ZRANB3: variants seen among roughly 807,000 people sequenced by gnomAD.
ZRANB3 encodes DNA annealing helicase and endonuclease ZRANB3.
Under a neutral mutation model 133.8 loss-of-function variants are expected in ZRANB3, and 125 were observed. The observed-to-expected ratio is 0.93, with a 90% confidence interval of 0.81 to 1.08. ZRANB3 has a LOEUF of 1.08. Among genes scored for constraint, ZRANB3 ranks in the 50% least tolerant of loss-of-function variants. The probability of loss-of-function intolerance (pLI) is 0.00; values close to 1 mark genes in which losing one functional copy is unlikely to be tolerated. For synonymous variants in ZRANB3, 387 were observed against 432.7 expected (o/e 0.89, Z 1.31); for missense variants, 1,229 against 1,275.5 (o/e 0.96, Z 0.56).
intron 16 of ZRANB3, among the ~76,000 whole-genome samples, chr2:135,217,817 T>C (rs929941807): frequency 6.6e-6 from 1 of 152,166 alleles, no homozygotes; most frequent in Non-Finnish European, 1.5e-5. Context: ...AGATATCTCT[T>C]TTTTTTCTTT....
At chr2:135,438,419 C>A (rs577195440) in intron 2 of ZRANB3, among the ~76,000 whole-genome samples, 1 of 150,806 alleles carries the variant, frequency 6.6e-6, no homozygotes, top group Non-Finnish European at 1.5e-5. Flanking sequence ...GCAGGAGAAT[C>A]GCTTGAACCC....
At chr2:135,369,928 T>C (rs1021207260) in intron 3 of ZRANB3, among the ~76,000 whole-genome samples, 3 of 152,142 alleles carry the variant, frequency 2.0e-5, no homozygotes, top group African/African-American at 4.8e-5. Flanking sequence ...AGACTTTATA[T>C]TGTAAACTTC....
chr2:135,373,968 T>C (rs1320017718), intron 3 of ZRANB3, among the ~76,000 whole-genome samples: 1 of 152,176 alleles, frequency 6.6e-6, no homozygotes, highest in Non-Finnish European at 1.5e-5. Context: ...TTGCCTACTT[T>C]AAACAAGAGA....
At chr2:135,405,171 T>C (rs1180263536) in intron 2 of ZRANB3, among the ~76,000 whole-genome samples, 1 of 152,196 alleles carries the variant, frequency 6.6e-6, no homozygotes, top group Non-Finnish European at 1.5e-5. Context: ...GTTGCAATCC[T>C]AGTCTCTGAT....
At chr2:135,417,623 A>C (rs1425512266) in intron 2 of ZRANB3, among the ~76,000 whole-genome samples, 1 of 152,224 alleles carries the variant, frequency 6.6e-6, no homozygotes, top group Non-Finnish European at 1.5e-5. Flanking sequence ...ATATACCCAA[A>C]GGACTATAAA....
intron 2 of ZRANB3, among the ~76,000 whole-genome samples, chr2:135,439,807 T>C (rs1157140631): frequency 6.6e-6 from 1 of 152,218 alleles, no homozygotes; most frequent in East Asian, 1.9e-4. Context: ...TTTTGAAAGC[T>C]TCTCAAGTGA....
At chr2:135,315,941 C>T (rs1268815445) in intron 6 of ZRANB3, among the ~76,000 whole-genome samples, 2 of 152,184 alleles carry the variant, frequency 1.3e-5, no homozygotes, top group African/African-American at 4.8e-5. Context: ...CAAAACCACC[C>T]AGAACATTTT....
chr2:135,504,150 C>A, intron 2 of ZRANB3, 179 bp downstream of exon 2: 1 of 716,468 alleles, frequency 1.4e-6, no homozygotes, highest in Non-Finnish European at 2.4e-6. Flanking sequence ...ACAATTGGTT[C>A]AATATATTTC....
At chr2:135,499,041 C>T (rs963244845) in intron 2 of ZRANB3, among the ~76,000 whole-genome samples, 10 of 152,182 alleles carry the variant, frequency 6.6e-5, no homozygotes, top group Non-Finnish European at 1.0e-4. Context: ...CTGTGACCCA[C>T]ACCCTATTTG....
intron 20 of ZRANB3, 115 bp downstream of exon 20, chr2:135,202,717 G>T: frequency 7.7e-7 from 1 of 1,299,150 alleles, no homozygotes; most frequent in Non-Finnish European, 1.0e-6. Flanking sequence ...AGTAAAATGT[G>T]CCTCGAATCT....
At chr2:135,457,305 G>C (rs1176383904) in intron 2 of ZRANB3, among the ~76,000 whole-genome samples, 1 of 152,046 alleles carries the variant, frequency 6.6e-6, no homozygotes, top group Non-Finnish European at 1.5e-5. Flanking sequence ...CAATTTTCTT[G>C]GGTACAATAC....
At position 135,315,421 on chromosome 2, in the gene ZRANB3, T is replaced by C; in HGVS notation, c.787A>G (p.Thr263Ala). The C allele has an allele frequency of 1.2e-6, 2 of 1,606,324 alleles. No individual in the cohort carries two copies. Among genetic ancestry groups the C allele is most frequent in the Non-Finnish European group, 1.7e-6 (2 of 1,177,096 alleles). Residue 263 changes from threonine (T) to alanine (A), a missense_variant, in exon 7 of 21, where the codon ACC (threonine) becomes GCC (alanine). By Grantham distance (58) the Thr-to-Ala change is moderately conservative. Transcript: ENST00000264159. ...TGTCTGACTTTAGGGGGTAGCTGGGTTAAAACTTCAGTCTTTAATCTTCTA... is the reference window on the plus strand; with the variant it reads ...TGTCTGACTTTAGGGGGTAGCTGGGCTAAAACTTCAGTCTTTAATCTTCTA... ...MIRRLKTEVL[T>A]QLPPKVRQRI...
At chr2:135,244,461 A>T (rs1330074222) in intron 12 of ZRANB3, among the ~76,000 whole-genome samples, 1 of 152,054 alleles carries the variant, frequency 6.6e-6, no homozygotes, top group Non-Finnish European at 1.5e-5. Flanking sequence ...CAAAAAAATT[A>T]GTCGTGCGTG....
intron 14 of ZRANB3, among the ~76,000 whole-genome samples, chr2:135,226,378 T>A (rs763183567): frequency 6.6e-6 from 1 of 152,220 alleles, no homozygotes; most frequent in Non-Finnish European, 1.5e-5. Context: ...AATAAGCATT[T>A]AACATAGTGT....
At chr2:135,230,432 A>G in intron 13 of ZRANB3, 81 bp downstream of exon 13, 1 of 1,312,404 alleles carries the variant, frequency 7.6e-7, no homozygotes. Flanking sequence ...AACCCTGGAT[A>G]ACAGCAGTCT....
At chr2:135,309,139 C>A (rs571760224) in intron 8 of ZRANB3, among the ~76,000 whole-genome samples, 1 of 152,146 alleles carries the variant, frequency 6.6e-6, no homozygotes, top group East Asian at 1.9e-4. Context: ...CGCCACCATG[C>A]CTGGCTAATT....
chr2:135,242,375 G>T (rs1695589569), intron 12 of ZRANB3, among the ~76,000 whole-genome samples: 2 of 151,798 alleles, frequency 1.3e-5, no homozygotes, highest in African/African-American at 4.8e-5. Flanking sequence ...AAAACTCAAA[G>T]CAAAAAATCA....
At chr2:135,334,027 C>A (rs1310569867) in intron 6 of ZRANB3, among the ~76,000 whole-genome samples, 1 of 152,152 alleles carries the variant, frequency 6.6e-6, no homozygotes, top group East Asian at 1.9e-4. Flanking sequence ...TTATCCCTAC[C>A]TAACTCCGTC....
intron 2 of ZRANB3, among the ~76,000 whole-genome samples, chr2:135,480,206 T>C (rs1691713159): frequency 6.6e-6 from 1 of 151,942 alleles, no homozygotes; most frequent in African/African-American, 2.4e-5. Context: ...CCTCCCAAAG[T>C]GCTGGGATTA....
Sources: allele counts gnomAD v4.1 joint callset (sites outside exome capture counted in the v4.1 genomes callset), GRCh38; gene constraint gnomAD v4.1.1; transcripts MANE v1.5; gene names NCBI Gene and HGNC (gene_info 2026-07-23, HGNC 2026-07-21).